VWA8: variants seen among roughly 807,000 people sequenced by gnomAD.
VWA8 encodes the protein von Willebrand factor A domain containing 8.
In VWA8, 221 loss-of-function variants were observed where a neutral mutation model predicts 241.5. The observed-to-expected ratio is 0.91, with a 90% confidence interval of 0.82 to 1.02. The LOEUF (loss-of-function observed/expected upper bound fraction) is 1.02. VWA8 is among the 50% of genes least tolerant of loss of function. The pLI, the probability that VWA8 is intolerant of heterozygous loss-of-function variation, is 0.00. For missense variants in VWA8, 2,322 were observed against 2,328.7 expected (o/e 1.00, Z 0.06); for synonymous variants, 852 against 827.1 (o/e 1.03, Z -0.52).
At chr13:41,665,614 C>T (rs1475480) in intron 37 of VWA8, among the ~76,000 whole-genome samples, 19,991 of 151,706 alleles carry the variant, frequency 0.13, 1,893 homozygotes, top group African/African-American at 0.28. Context: ...GTATACCTAA[C>T]GAGCTCAGAA....
chr13:41,572,638 C>T (rs1358588631), intron 43 of VWA8, among the ~76,000 whole-genome samples: 4 of 151,638 alleles, frequency 2.6e-5, no homozygotes, highest in Non-Finnish European at 5.9e-5. Flanking sequence ...TCTCAAGTAC[C>T]CAGGGACACA....
intron 37 of VWA8, among the ~76,000 whole-genome samples, chr13:41,657,568 C>A (rs1464459510): frequency 6.6e-6 from 1 of 151,400 alleles, no homozygotes; most frequent in Non-Finnish European, 1.5e-5. Context: ...CGGCTCACTG[C>A]AAGCTCCGCT....
intron 1 of VWA8, among the ~76,000 whole-genome samples, chr13:41,951,994 G>C (rs564574267): frequency 9.9e-5 from 15 of 152,254 alleles, no homozygotes; most frequent in African/African-American, 3.4e-4. Context: ...GGCAAAAGAT[G>C]ATGAGGACCA....
At chr13:41,729,520 C>T in intron 23 of VWA8, 22 bp downstream of exon 23, 1 of 1,599,480 alleles carries the variant, frequency 6.3e-7, no homozygotes, top group South Asian at 1.1e-5. Context: ...TTAAAGGAAA[C>T]ATTGCTTTCT....
At chr13:41,951,786 C>G (rs969042526) in intron 1 of VWA8, among the ~76,000 whole-genome samples, 1 of 152,208 alleles carries the variant, frequency 6.6e-6, no homozygotes. Flanking sequence ...TTACTACCTT[C>G]TAAGTATTTT....
intron 12 of VWA8, among the ~76,000 whole-genome samples, chr13:41,846,756 G>C (rs893748057): frequency 2.0e-5 from 3 of 152,148 alleles, no homozygotes; most frequent in Non-Finnish European, 2.9e-5. Flanking sequence ...AAATTTTCAG[G>C]CTAGGCACGG....
chr13:41,846,812 G>A (rs554738792), intron 12 of VWA8, among the ~76,000 whole-genome samples: 12 of 152,186 alleles, frequency 7.9e-5, no homozygotes, highest in Admixed American at 3.9e-4. Flanking sequence ...CAAGGTAGGC[G>A]GATCACCTGA....
At chr13:41,855,308 A>G (rs1872695463) in intron 12 of VWA8, among the ~76,000 whole-genome samples, 1 of 146,182 alleles carries the variant, frequency 6.8e-6, no homozygotes, top group Non-Finnish European at 1.5e-5. Context: ...GTTTAAATAT[A>G]TATATATTTA....
At chr13:41,873,788 T>G (rs1326787019) in intron 9 of VWA8, among the ~76,000 whole-genome samples, 1 of 152,192 alleles carries the variant, frequency 6.6e-6, no homozygotes, top group Non-Finnish European at 1.5e-5. Context: ...CTTCTGAAAC[T>G]ATTCCAATCA....
chr13:41,830,856 T>C (rs1871420964), intron 13 of VWA8, among the ~76,000 whole-genome samples: 1 of 151,834 alleles, frequency 6.6e-6, no homozygotes, highest in Admixed American at 6.6e-5. Flanking sequence ...TCATAAATAT[T>C]TGATAGGGAT....
intron 19 of VWA8, among the ~76,000 whole-genome samples, chr13:41,778,902 C>T (rs975098569): frequency 7.7e-6 from 1 of 129,312 alleles, no homozygotes; most frequent in Admixed American, 9.2e-5. Context: ...AGTGCAGTGG[C>T]GCGATCTCGG....
intron 2 of VWA8, among the ~76,000 whole-genome samples, chr13:41,922,687 C>T (rs1210020187): frequency 6.6e-6 from 1 of 152,160 alleles, no homozygotes; most frequent in Non-Finnish European, 1.5e-5. Context: ...TGAAAAAATG[C>T]TCATCATCAC....
intron 12 of VWA8, among the ~76,000 whole-genome samples, chr13:41,855,149 G>A (rs187448334): frequency 1.7e-4 from 26 of 151,810 alleles, no homozygotes; most frequent in Non-Finnish European, 3.2e-4. Flanking sequence ...GATGGATTGG[G>A]CAGATCCCAA....
At chr13:41,859,808 C>A (rs1166717917) in intron 12 of VWA8, among the ~76,000 whole-genome samples, 1 of 152,072 alleles carries the variant, frequency 6.6e-6, no homozygotes, top group East Asian at 1.9e-4. Context: ...AAATGCAGTC[C>A]TAAAAATAAT....
At chr13:41,683,625 T>C (rs982585712) in intron 35 of VWA8, among the ~76,000 whole-genome samples, 4 of 152,086 alleles carry the variant, frequency 2.6e-5, no homozygotes. Flanking sequence ...TGCTGTACTT[T>C]AAAAACATCA....
chr13:41,742,713 C>T (rs1322881407), intron 21 of VWA8, among the ~76,000 whole-genome samples: 3 of 152,158 alleles, frequency 2.0e-5, no homozygotes, highest in Non-Finnish European at 4.4e-5. Context: ...CTCCTAAATT[C>T]AGTTTACTTT....
chr13:41,882,669 C>T (rs1027644738), intron 9 of VWA8, among the ~76,000 whole-genome samples: 1 of 152,208 alleles, frequency 6.6e-6, no homozygotes, highest in Non-Finnish European at 1.5e-5. Context: ...TCAGGCGTGG[C>T]GTCGCGCGCC....
rs377426745 is a variant in VWA8 at position 41,658,088 on chromosome 13, G to C, written c.4611+12858C>G. Among the ~76,000 whole-genome samples the C allele has an allele frequency of 5.3e-5, 8 of 152,278 alleles. No homozygotes were observed. The South Asian group carries it at 1.7e-3, about 32-fold the overall frequency. ...ACCAATTGTAATTTCATCTCTAAGA[G>C]GCTACTAAGCTATACAGTGTTTCCT... On this transcript the variant is annotated intron_variant, in intron 37 of 44. Coordinates refer to ENST00000379310, the MANE Select transcript of VWA8 (RefSeq NM_015058.2).
At chr13:41,848,463 G>A (rs928386466) in intron 12 of VWA8, among the ~76,000 whole-genome samples, 6 of 152,132 alleles carry the variant, frequency 3.9e-5, no homozygotes, top group Non-Finnish European at 2.9e-5. Context: ...TGTCATGGGC[G>A]GAACCAGGTG....
Sources: allele counts gnomAD v4.1 joint callset (sites outside exome capture counted in the v4.1 genomes callset), GRCh38; gene constraint gnomAD v4.1.1; transcripts MANE v1.5; gene names NCBI Gene and HGNC (gene_info 2026-07-23, HGNC 2026-07-21).